The following DBNDD1 variants were observed in gnomAD, a reference collection of about 807,000 sequenced individuals.
DBNDD1 encodes the protein dysbindin domain containing 1.
DBNDD1 carries 14 observed loss-of-function variants against 17.0 expected under a neutral mutation model. The ratio of observed to expected loss-of-function variants is 0.82; its 90% confidence interval spans 0.54 to 1.29. DBNDD1 has a LOEUF of 1.29. DBNDD1 is among the 50% of genes most tolerant of loss of function. The pLI, the probability that DBNDD1 is intolerant of heterozygous loss-of-function variation, is 0.00. For synonymous variants in DBNDD1, 105 were observed against 102.0 expected, an observed-to-expected ratio of 1.03 and a Z score of -0.18; for missense variants, 221 against 216.2, an observed-to-expected ratio of 1.02 and a Z score of -0.14.
chr16:90,007,944 C>CTT (rs2035463906), intron 3 of DBNDD1, among the ~76,000 whole-genome samples: 1 of 83,174 alleles, frequency 1.2e-5, no homozygotes, highest in Admixed American at 1.2e-4. Flanking sequence ...AACACACCTC[C>CTT]CAGGACTTCC....
intron 1 of DBNDD1, among the ~76,000 whole-genome samples, chr16:90,010,534 AT>A (rs778294927): frequency 0.032 from 4,071 of 128,864 alleles, 143 homozygotes; most frequent in African/African-American, 0.099. Context: ...CACCCAGCTA[AT>A]TTTTTTTTTT....
intron 1 of DBNDD1, among the ~76,000 whole-genome samples, chr16:90,016,985 G>A (rs913391599): frequency 1.3e-5 from 2 of 152,170 alleles, no homozygotes; most frequent in Non-Finnish European, 2.9e-5. Context: ...GAGTGGCCGT[G>A]TCTAGACTCT....
chr16:90,019,866 C>T, upstream of DBNDD1: 1 of 678,676 alleles, frequency 1.5e-6, no homozygotes, highest in South Asian at 1.5e-5. The surrounding 1 kb of genome is among the most constrained non-coding windows in gnomAD (Gnocchi z 6.1). Context: ...GACAGACTCA[C>T]AGAGCGCCCT....
At chr16:90,010,450 C>T (rs1306511422) in intron 1 of DBNDD1, among the ~76,000 whole-genome samples, 1 of 148,676 alleles carries the variant, frequency 6.7e-6, no homozygotes, top group African/African-American at 2.5e-5. Flanking sequence ...TCATTGCAGT[C>T]TCCACCTCAC....
Position 90,006,238 on chromosome 16 carries a change from G to C in DBNDD1, c.*97C>G, listed in dbSNP as rs377173718. The stretch of plus-strand genomic sequence containing the variant: ...GTCAGGAGGTGACGGCTGGAGCCTC[G>C]TGGGCGGGTGAAGTGTGTCTGCTGG... On this transcript the variant is annotated 3_prime_UTR_variant, in exon 4 of 4. Coordinates refer to ENST00000002501, the MANE Select transcript of DBNDD1 (RefSeq NM_001042610.3). 1.7e-5 allele frequency: 24 copies of C among 1,449,356 alleles called. No homozygotes were observed. Among genetic ancestry groups the C allele is most frequent in the Admixed American group, 1.1e-4 (5 of 45,796 alleles). The allele number at this position is 1,449,356 out of a possible 1,614,324, so 89.8% of individuals were successfully genotyped here. A position where few individuals can be genotyped will look rare whatever the true frequency, so the allele number is the denominator to read the frequency against.
intron 1 of DBNDD1, chr16:90,009,867 C>T: frequency 7.7e-7 from 1 of 1,295,710 alleles, no homozygotes; most frequent in Non-Finnish European, 1.1e-6. Flanking sequence ...AGAACAGCCC[C>T]TCTCCACTGT....
chr16:90,007,581 G>A (rs1033513896), intron 3 of DBNDD1: 5 of 152,286 alleles, frequency 3.3e-5, no homozygotes, highest in Non-Finnish European at 2.9e-5. Context: ...GCTGCCTTCA[G>A]GCCAATGGCA....
chr16:90,009,212 C>T (rs1405283442), intron 2 of DBNDD1, 72 bp downstream of exon 2: 3 of 1,588,008 alleles, frequency 1.9e-6, no homozygotes, highest in African/African-American at 1.4e-5. Context: ...AGGAGGTGGA[C>T]CCTGCTGCCT....
At position 90,019,230 on chromosome 16, in the gene DBNDD1, G is replaced by T. The variant is rs2035718591; in HGVS notation, c.31+81C>A. 1.4e-6 allele frequency: 1 copy of T among 717,874 alleles called. No individual in the cohort carries two copies. Among genetic ancestry groups the T allele is most frequent in the Non-Finnish European group, 1.9e-6 (1 of 524,588 alleles). 44.5% of individuals were successfully genotyped at this position (717,874 alleles called of 1,614,324 possible). A position where few individuals can be genotyped will look rare whatever the true frequency, so the allele number is the denominator to read the frequency against. On this transcript the variant is annotated intron_variant, in intron 1 of 3. Coordinates refer to ENST00000002501, the MANE Select transcript of DBNDD1 (RefSeq NM_001042610.3). The surrounding 1 kb of genome is among the most constrained non-coding windows in gnomAD (Gnocchi z 6.1). ...CTTCGCGACTCCCGGGAGCGGCGAA[G>T]GGTGAGCCCTGGGGGGAGGGGCTGC...
intron 1 of DBNDD1, among the ~76,000 whole-genome samples, chr16:90,012,250 A>G (rs762500546): frequency 1.2e-4 from 18 of 152,284 alleles, no homozygotes; most frequent in Non-Finnish European, 1.8e-4. Flanking sequence ...ACCAAGGTGC[A>G]GGGATGTACG....
rs1034184834 is a variant in DBNDD1 at position 90,005,582 on chromosome 16, C to T, written c.*753G>A. ...GGACAAGGAGAGGTGAACCCCACCC[C>T]GAGAGCATTCCGGGAGGTGTCATCA... On this transcript the variant is annotated 3_prime_UTR_variant, in exon 4 of 4. Coordinates refer to ENST00000002501, the MANE Select transcript of DBNDD1 (RefSeq NM_001042610.3). 1 of 152,324 alleles carries T rather than the reference C, an allele frequency of 6.6e-6. No homozygotes were observed. Among genetic ancestry groups the T allele is most frequent in the Non-Finnish European group, 1.5e-5 (1 of 68,122 alleles). 9.4% of individuals were successfully genotyped at this position (152,324 alleles called of 1,614,324 possible). A position where few individuals can be genotyped will look rare whatever the true frequency, so the allele number is the denominator to read the frequency against.
rs2035419873 is a variant in DBNDD1 at position 90,006,215 on chromosome 16, C to G, written c.*120G>C. On this transcript the variant is annotated 3_prime_UTR_variant, in exon 4 of 4. Coordinates refer to ENST00000002501, the MANE Select transcript of DBNDD1 (RefSeq NM_001042610.3). ...AGAGAGCTGCCCCCAGGGTGTGTGTCAGGAGGTGACGGCTGGAGCCTCGTG... is the reference window on the plus strand; with the variant it reads ...AGAGAGCTGCCCCCAGGGTGTGTGTGAGGAGGTGACGGCTGGAGCCTCGTG... The G allele has an allele frequency of 7.4e-7, 1 of 1,351,404 alleles. No homozygotes were observed. The highest frequency in any genetic ancestry group is 1.0e-6 in the Non-Finnish European group (1 of 1,003,892). The allele number at this position is 1,351,404 out of a possible 1,614,324, so 83.7% of individuals were successfully genotyped here.
intron 1 of DBNDD1, among the ~76,000 whole-genome samples, chr16:90,017,859 C>T (rs557866867): frequency 6.6e-6 from 1 of 152,346 alleles, no homozygotes; most frequent in East Asian, 1.9e-4. Flanking sequence ...AGGCAGGGTA[C>T]TGCACAGAGC....
At chr16:90,014,092 G>C (rs1242270404) in intron 1 of DBNDD1, among the ~76,000 whole-genome samples, 1 of 152,002 alleles carries the variant, frequency 6.6e-6, no homozygotes, top group African/African-American at 2.4e-5. Flanking sequence ...TTTGAATGGA[G>C]TGGGACAGCA....
chr16:90,009,738 C>T (rs1434381933), intron 1 of DBNDD1: 24 of 632,654 alleles, frequency 3.8e-5, no homozygotes, highest in Non-Finnish European at 5.7e-5. Flanking sequence ...GAAGTCCCAC[C>T]AGGGCCCGCG....
chr16:90,015,814 A>ACATT (rs145782584), intron 1 of DBNDD1, among the ~76,000 whole-genome samples: 2,073 of 152,148 alleles, frequency 0.014, 55 homozygotes, highest in African/African-American at 0.047. Flanking sequence ...AAGCGCGTAG[A>ACATT]CATTCCATCA....
chr16:90,008,870 G>T lies in DBNDD1; in HGVS notation c.233C>A (p.Thr78Asn). The change falls in exon 3 of 4, where the codon ACT (threonine) becomes AAT (asparagine). Residue 78 changes from threonine (T) to asparagine (N), a missense_variant. Coordinates refer to ENST00000002501, the MANE Select transcript of DBNDD1 (RefSeq NM_001042610.3). ...CTGGTCCGACATGTCGGTGAGCTCA[G>T]TGAGGTCCAGGAGGTCGAAGTGGAC... is the stretch of plus-strand genomic sequence containing the variant. ...LEVHFDLLDLTELTDMSDQEL... is the reference protein window; with the variant it reads ...LEVHFDLLDLNELTDMSDQEL... 6.3e-7 allele frequency: 1 copy of T among 1,599,464 alleles called. No homozygotes were observed. Among genetic ancestry groups the T allele is most frequent in the South Asian group, 1.1e-5 (1 of 89,402 alleles).
chr16:90,009,494 G>C (rs770660140), intron 1 of DBNDD1, 64 bp from the exon 2 acceptor site: 1 of 1,593,236 alleles, frequency 6.3e-7, no homozygotes, highest in South Asian at 1.1e-5. Context: ...CCAGGACGCG[G>C]GGCTGGGTGT....
upstream of DBNDD1, chr16:90,019,745 T>G: frequency 1.5e-6 from 1 of 661,950 alleles, no homozygotes; most frequent in African/African-American, 1.9e-5. This position sits in a 1 kb window ranked among gnomAD's most constrained non-coding sequence, Gnocchi z 6.1. Flanking sequence ...CCGCGCCCGC[T>G]GGCGTCCTCT....
Sources: allele counts gnomAD v4.1 joint callset (sites outside exome capture counted in the v4.1 genomes callset), GRCh38; gene constraint gnomAD v4.1.1; non-coding constraint Gnocchi (gnomAD v3.1); transcripts MANE v1.5; gene names NCBI Gene and HGNC (gene_info 2026-07-23, HGNC 2026-07-21).